RHBDD1: variants seen among roughly 807,000 people sequenced by gnomAD.
RHBDD1 encodes rhomboid domain containing 1.
RHBDD1 carries 38 observed loss-of-function variants against 36.3 expected under a neutral mutation model. The ratio of observed to expected loss-of-function variants is 1.05; its 90% CI spans 0.81 to 1.37. The LOEUF is 1.37. Ranked by LOEUF, RHBDD1 falls within the 40% of genes most tolerant of loss-of-function variation. RHBDD1 has a pLI of 0.00. For synonymous variants in RHBDD1, 151 were observed against 136.5 expected, an observed-to-expected ratio of 1.11 and a Z score of -0.74; for missense variants, 393 against 377.6, an observed-to-expected ratio of 1.04 and a Z score of -0.34.
At chr2:226,970,595 G>A (rs1953278231) in intron 8 of RHBDD1, among the ~76,000 whole-genome samples, 1 of 152,204 alleles carries the variant, frequency 6.6e-6, no homozygotes, top group Admixed American at 6.5e-5. Context: ...CAGGCAGCAG[G>A]TGTGTAGCAT....
Position 226,864,752 on chromosome 2 carries a change from T to G in RHBDD1, c.59T>G (p.Phe20Cys). The change falls in exon 4 of 9, where the codon TTC becomes TGC. Residue 20 changes from phenylalanine to cysteine, a missense_variant. Physicochemically the swap from Phe to Cys is radical, Grantham distance 205 (BLOSUM62 -2). Coordinates refer to ENST00000392062, the MANE Select transcript of RHBDD1 (RefSeq NM_001167608.3). ...CTTATTCTACTCCTTTCTCAAATCT[T>G]CCATGTTGGGATCAACAATATTCCA... ...TGLILLLSQIFHVGINNIPPV... is the reference protein window; with the variant it reads ...TGLILLLSQICHVGINNIPPV... 1 of 1,614,170 alleles carries G rather than the reference T, an allele frequency of 6.2e-7. No homozygotes were observed. Among genetic ancestry groups the G allele is most frequent in the African/African-American group, 1.3e-5 (1 of 75,056 alleles).
intron 7 of RHBDD1, 110 bp from the exon 8 acceptor site, chr2:226,914,098 A>G (rs1223302036): frequency 2.1e-6 from 2 of 941,046 alleles, no homozygotes; most frequent in East Asian, 5.0e-5. Context: ...GATAATTATT[A>G]TACCTAAAAT....
chr2:226,857,109 G>T (rs1359215004), intron 3 of RHBDD1, among the ~76,000 whole-genome samples: 2 of 152,002 alleles, frequency 1.3e-5, no homozygotes, highest in Admixed American at 1.3e-4. Context: ...GTGTGTGTGT[G>T]TGTGTGTTTG....
chr2:226,851,598 C>T (rs1057171820), intron 3 of RHBDD1, among the ~76,000 whole-genome samples: 10 of 151,970 alleles, frequency 6.6e-5, no homozygotes, highest in Admixed American at 6.6e-4. Flanking sequence ...TCCAAATTGC[C>T]TGGGGATCCC....
chr2:226,837,013 A>C (rs1449992197), intron 1 of RHBDD1, among the ~76,000 whole-genome samples: 1 of 152,222 alleles, frequency 6.6e-6, no homozygotes, highest in Non-Finnish European at 1.5e-5. Flanking sequence ...TCTTATCCCA[A>C]ACTTACTGAA....
At chr2:226,819,007 G>T in the RHBDD1 span, among the ~76,000 whole-genome samples, 1 of 151,958 alleles carries the variant, frequency 6.6e-6, no homozygotes, top group African/African-American at 2.4e-5. Flanking sequence ...TGACACCATG[G>T]CCAAATGTCA....
chr2:226,956,815 A>G (rs886320422), intron 8 of RHBDD1, among the ~76,000 whole-genome samples: 1 of 152,216 alleles, frequency 6.6e-6, no homozygotes. Flanking sequence ...CAGAGGGATC[A>G]TGGTGTCATT....
the RHBDD1 span, among the ~76,000 whole-genome samples, chr2:226,814,008 T>A: frequency 6.6e-6 from 1 of 152,258 alleles, no homozygotes; most frequent in Non-Finnish European, 1.5e-5. Flanking sequence ...TCTATTTATT[T>A]CTTCTCTGAG....
At chr2:226,849,275 G>T (rs1336347322) in intron 3 of RHBDD1, among the ~76,000 whole-genome samples, 3 of 152,216 alleles carry the variant, frequency 2.0e-5, no homozygotes, top group Non-Finnish European at 4.4e-5. Flanking sequence ...AAACTCCAAG[G>T]TATAAGGAAA....
chr2:226,895,866 G>A lies in RHBDD1; in HGVS notation c.567-10927G>A, dbSNP rs917596462. 3.6e-5 allele frequency: 34 copies of A among 944,006 alleles called. No individual in the cohort carries two copies. The African/African-American group carries it at 5.7e-4, about 16-fold the overall frequency. 58.5% of individuals were successfully genotyped at this position (944,006 alleles called of 1,614,324 possible). On this transcript the variant is annotated intron_variant, in intron 5 of 8. Coordinates refer to ENST00000392062, the MANE Select transcript of RHBDD1 (RefSeq NM_001167608.3). ...ATGAGAGAAGTACTGTTCTTAAAATGAGAGCCTTGCTCGGTGTCTTTTCCC... is the reference window on the plus strand; with the variant it reads ...ATGAGAGAAGTACTGTTCTTAAAATAAGAGCCTTGCTCGGTGTCTTTTCCC...
In RHBDD1 at chr2:226,839,550, G is replaced by C. The variant is rs910218504; in HGVS notation, c.-168G>C. 2.0e-5 allele frequency: 3 copies of C among 151,958 alleles called. No individual in the cohort carries two copies. The highest frequency in any genetic ancestry group is 7.3e-5 in the African/African-American group (3 of 41,250). The allele number at this position is 151,958 out of a possible 1,614,324, so 9.4% of individuals were successfully genotyped here. A position where few individuals can be genotyped will look rare whatever the true frequency, so the allele number is the denominator to read the frequency against. The stretch of plus-strand genomic sequence containing the variant: ...AGGGAACCTCGGATTCCGGGGAGCT[G>C]GACGTGAAACTCTGTGGTGGAATAG... On this transcript the variant is annotated 5_prime_UTR_variant, in exon 3 of 9. Transcript: ENST00000392062.
intron 3 of RHBDD1, among the ~76,000 whole-genome samples, chr2:226,840,175 T>C (rs962981149): frequency 5.3e-5 from 8 of 152,278 alleles, no homozygotes; most frequent in Middle Eastern, 6.8e-3. Context: ...GGAGTTACTT[T>C]CAATCAACCA....
chr2:226,906,782 T>C lies in RHBDD1; in HGVS notation c.567-11T>C. The C allele has an allele frequency of 6.2e-7, 1 of 1,613,984 alleles. No individual in the cohort carries two copies. Among genetic ancestry groups the C allele is most frequent in the Non-Finnish European group, 8.5e-7 (1 of 1,179,900 alleles). On this transcript the variant is annotated splice_polypyrimidine_tract_variant and intron_variant, in intron 5 of 8. Transcript: ENST00000392062. ...GAACAAACACTCACAAAGGGTCTCC[T>C]TCCCTCCTAGGACTTCCTTCGCTGG...
intron 8 of RHBDD1, among the ~76,000 whole-genome samples, chr2:226,985,379 C>G (rs1956701562): frequency 6.6e-6 from 1 of 152,206 alleles, no homozygotes; most frequent in Non-Finnish European, 1.5e-5. Context: ...TAAACAACTC[C>G]ATAATATTCA....
intron 1 of RHBDD1, chr2:226,837,512 G>A (rs1251105124): frequency 6.6e-6 from 1 of 152,024 alleles, no homozygotes; most frequent in Non-Finnish European, 1.5e-5. Context: ...ATGTTGAAGA[G>A]TAGTTTTTAA....
chr2:226,969,058 C>CTT (rs1381653006), intron 8 of RHBDD1: 1 of 208,264 alleles, frequency 4.8e-6, no homozygotes, highest in East Asian at 1.1e-4. Flanking sequence ...CAAGGTGTTG[C>CTT]TTTGTCTCTG....
chr2:226,878,297 C>A (rs532021409), intron 5 of RHBDD1, among the ~76,000 whole-genome samples: 1 of 151,202 alleles, frequency 6.6e-6, no homozygotes, highest in East Asian at 1.9e-4. Flanking sequence ...ACTGTTAACT[C>A]TTTGTAGAAA....
intron 3 of RHBDD1, among the ~76,000 whole-genome samples, chr2:226,847,839 C>T (rs1942384417): frequency 6.6e-6 from 1 of 152,202 alleles, no homozygotes; most frequent in African/African-American, 2.4e-5. Context: ...GCAGTTTTCG[C>T]CTCTCTGTGA....
At position 226,979,474 on chromosome 2, in the gene RHBDD1, C is replaced by G. The variant is rs538618281; in HGVS notation, c.857-15957C>G. 3.3e-5 allele frequency among the ~76,000 whole-genome samples: 5 copies of G among 152,292 alleles called. No homozygotes were observed. In the East Asian group the frequency reaches 9.7e-4, roughly 29 times the overall value. ...TCCCCCCTGCAAATGGCTGGAACTT[C>G]CCGAGACCCCACCCCATCCTCCCAT... On this transcript the variant is annotated intron_variant, in intron 8 of 8. Transcript: ENST00000392062.
Sources: allele counts gnomAD v4.1 joint callset (sites outside exome capture counted in the v4.1 genomes callset), GRCh38; gene constraint gnomAD v4.1.1; transcripts MANE v1.5; gene names NCBI Gene and HGNC (gene_info 2026-07-23, HGNC 2026-07-21).